Variants in LINGO2 observed in about 807,000 individuals in gnomAD.
The protein encoded by LINGO2 is leucine rich repeat and Ig domain containing 2.
Under a neutral mutation model 30.6 loss-of-function variants are expected in LINGO2, and 14 were observed. The ratio of observed to expected loss-of-function variants is 0.46; its 90% CI spans 0.30 to 0.72. The LOEUF is 0.72. Among genes scored for constraint, LINGO2 ranks in the 30% least tolerant of loss-of-function variants. LINGO2 has a pLI of 0.07. For missense variants in LINGO2, 729 were observed against 751.7 expected (o/e 0.97, Z 0.35); for synonymous variants, 317 against 288.5 (o/e 1.10, Z -1.00).
At chr9:29,037,260 C>T in the LINGO2 span, among the ~76,000 whole-genome samples, 1 of 151,672 alleles carries the variant, frequency 6.6e-6, no homozygotes, top group Non-Finnish European at 1.5e-5. Context: ...AGTTTTGGAT[C>T]AATAGCTTTA....
intron 3 of LINGO2, among the ~76,000 whole-genome samples, chr9:28,352,600 C>T (rs1170968140): frequency 7.2e-6 from 1 of 138,576 alleles, no homozygotes; most frequent in African/African-American, 2.8e-5. Flanking sequence ...ATATTCAATG[C>T]CATCCCCATC....
the LINGO2 span, among the ~76,000 whole-genome samples, chr9:29,067,868 T>A: frequency 0.2 from 29,806 of 151,280 alleles, 3,074 homozygotes; most frequent in African/African-American, 0.24. Context: ...CCAAGAAGAC[T>A]AAAGCCCAGA....
chr9:29,182,462 A>G, the LINGO2 span, among the ~76,000 whole-genome samples: 4 of 152,188 alleles, frequency 2.6e-5, no homozygotes, highest in Admixed American at 1.3e-4. Flanking sequence ...TTGAGAGGCC[A>G]GGCTGGAAAA....
At chr9:28,196,091 T>C (rs1023642843) in intron 4 of LINGO2, among the ~76,000 whole-genome samples, 2 of 151,644 alleles carry the variant, frequency 1.3e-5, no homozygotes, top group Non-Finnish European at 3.0e-5. Flanking sequence ...TATACAAATA[T>C]GCTAACATCC....
At chr9:28,305,249 A>G (rs1178541256) in intron 3 of LINGO2, among the ~76,000 whole-genome samples, 1 of 152,082 alleles carries the variant, frequency 6.6e-6, no homozygotes, top group African/African-American at 2.4e-5. Flanking sequence ...GGATATCTGC[A>G]AAAACCTGGA....
the LINGO2 span, among the ~76,000 whole-genome samples, chr9:28,890,322 C>T: frequency 6.6e-6 from 1 of 152,016 alleles, no homozygotes; most frequent in Non-Finnish European, 1.5e-5. Flanking sequence ...AGGACTGAGA[C>T]CATATCTCCA....
chr9:28,679,126 A>C, the LINGO2 span, among the ~76,000 whole-genome samples: 4 of 152,016 alleles, frequency 2.6e-5, no homozygotes, highest in South Asian at 2.1e-4. Flanking sequence ...CACCTAGAGA[A>C]ATTCTTGGCG....
rs74847403 is a variant in LINGO2, at chr9:27,965,500, C to T, written c.-35-14794G>A. Among the ~76,000 whole-genome samples the T allele has an allele frequency of 4.0e-5, 6 of 151,450 alleles. No individual in the cohort carries two copies. The East Asian group carries it at 9.7e-4, about 24-fold the overall frequency. The stretch of plus-strand genomic sequence containing the variant: ...GTTATCTTTTTCCCTGATTCTCAGT[C>T]ATCTTTCCAATGGACTGTATCTATC... On this transcript the variant is annotated intron_variant, in intron 5 of 5. Transcript: ENST00000379992.
At chr9:28,691,451 T>C in the LINGO2 span, among the ~76,000 whole-genome samples, 1 of 152,160 alleles carries the variant, frequency 6.6e-6, no homozygotes, top group Non-Finnish European at 1.5e-5. Flanking sequence ...CCTTACTGTA[T>C]TGGATCAAAA....
At chr9:28,349,090 G>T (rs1380087575) in intron 3 of LINGO2, among the ~76,000 whole-genome samples, 1 of 152,070 alleles carries the variant, frequency 6.6e-6, no homozygotes, top group Non-Finnish European at 1.5e-5. Context: ...AAAGCAGAGC[G>T]CCTCTCCTCC....
At chr9:29,161,356 A>T in the LINGO2 span, among the ~76,000 whole-genome samples, 2 of 152,242 alleles carry the variant, frequency 1.3e-5, no homozygotes, top group Admixed American at 1.3e-4. Flanking sequence ...CTCCCCTTGG[A>T]CCTCAGCTGA....
chr9:28,007,468 T>C (rs570509450), intron 5 of LINGO2, among the ~76,000 whole-genome samples: 16 of 152,282 alleles, frequency 1.1e-4, no homozygotes, highest in African/African-American at 1.9e-4. Context: ...TAAATCTGAC[T>C]GTGAAAATGT....
the LINGO2 span, among the ~76,000 whole-genome samples, chr9:29,158,474 C>G: frequency 6.6e-6 from 1 of 152,324 alleles, no homozygotes; most frequent in East Asian, 1.9e-4. Flanking sequence ...GGAGGACAGA[C>G]TCTTCAGCAG....
chr9:28,331,963 T>G (rs1825436843), intron 3 of LINGO2, among the ~76,000 whole-genome samples: 2 of 152,202 alleles, frequency 1.3e-5, no homozygotes, highest in African/African-American at 4.8e-5. Context: ...TTACCTGATT[T>G]TTCAAAGGAT....
At chr9:28,509,762 C>T (rs1247995824) in intron 1 of LINGO2, among the ~76,000 whole-genome samples, 2 of 152,182 alleles carry the variant, frequency 1.3e-5, no homozygotes, top group African/African-American at 4.8e-5. Context: ...TAATCTTAGA[C>T]TTTCAGTTTC....
the LINGO2 span, among the ~76,000 whole-genome samples, chr9:28,905,568 T>A: frequency 2.6e-5 from 4 of 152,044 alleles, no homozygotes; most frequent in Non-Finnish European, 5.9e-5. Flanking sequence ...ATCTGGGAAA[T>A]GTTAATTAAA....
chr9:28,859,448 A>G, the LINGO2 span, among the ~76,000 whole-genome samples: 1 of 152,086 alleles, frequency 6.6e-6, no homozygotes, highest in Non-Finnish European at 1.5e-5. Flanking sequence ...TATGCATTCA[A>G]ATGAACTGGA....
At chr9:28,878,723 A>G in the LINGO2 span, among the ~76,000 whole-genome samples, 1,053 of 152,278 alleles carry the variant, frequency 6.9e-3, 11 homozygotes, top group Non-Finnish European at 7.7e-3. Flanking sequence ...TATAAACAGA[A>G]CCAAAGACAA....
At chr9:27,987,325 C>T (rs1431973005) in intron 5 of LINGO2, among the ~76,000 whole-genome samples, 1 of 151,714 alleles carries the variant, frequency 6.6e-6, no homozygotes, top group African/African-American at 2.4e-5. Flanking sequence ...TTCCTCCCTT[C>T]CCTCCTTTCC....
Sources: gnomAD v4.1 joint callset for allele counts (sites outside exome capture counted in the v4.1 genomes callset) on GRCh38, gnomAD v4.1.1 for gene constraint, MANE v1.5 for transcripts, NCBI Gene and HGNC (gene_info 2026-07-23, HGNC 2026-07-21) for gene names.